Variants in ZNF407 observed in about 807,000 individuals in gnomAD.
ZNF407 encodes zinc finger protein 407.
A neutral mutation model predicts 131.2 loss-of-function variants in ZNF407; 17 were observed. The observed-to-expected ratio is 0.13, with a 90% CI of 0.09 to 0.19. The LOEUF (loss-of-function observed/expected upper bound fraction) is 0.19. Among genes scored for constraint, ZNF407 ranks in the 10% least tolerant of loss-of-function variants. The pLI, the probability that ZNF407 is intolerant of heterozygous loss-of-function variation, is 1.00. For synonymous variants in ZNF407, 1,156 were observed against 1,062.0 expected (o/e 1.09, Z -1.72); for missense variants, 2,681 against 2,830.6 (o/e 0.95, Z 1.20).
At chr18:75,026,291 A>G (rs1459271900) in intron 8 of ZNF407, among the ~76,000 whole-genome samples, 2 of 152,224 alleles carry the variant, frequency 1.3e-5, no homozygotes, top group Non-Finnish European at 2.9e-5. Flanking sequence ...AAGATAATAA[A>G]CTATTGAAAA....
chr18:74,858,325 A>T (rs1460693327), intron 4 of ZNF407, among the ~76,000 whole-genome samples: 1 of 152,078 alleles, frequency 6.6e-6, no homozygotes, highest in Non-Finnish European at 1.5e-5. Flanking sequence ...TTTTTGTATT[A>T]ACCTCCTCTT....
Position 74,676,623 on chromosome 18 carries a change from A to T in ZNF407, c.4802+35501A>T, listed in dbSNP as rs181564969. ...GGGTAATTTTGTATTTTTAGTAGAG[A>T]CGGGGTTTCACCGTGTTAGCCAGGA... On this transcript the variant is annotated intron_variant, in intron 3 of 8. Coordinates refer to ENST00000299687, the MANE Select transcript of ZNF407 (RefSeq NM_017757.3). Among the ~76,000 whole-genome samples, 17 of 151,652 alleles carry T rather than the reference A, an allele frequency of 1.1e-4. No homozygotes were observed. The East Asian group carries it at 1.2e-3, about 10-fold the overall frequency.
At chr18:74,779,794 G>A (rs2038713394) in intron 3 of ZNF407, among the ~76,000 whole-genome samples, 1 of 151,992 alleles carries the variant, frequency 6.6e-6, no homozygotes, top group Admixed American at 6.6e-5. Context: ...TGGATTCTAA[G>A]TTCCCATCTC....
chr18:74,930,300 C>T (rs1463700738), intron 8 of ZNF407, among the ~76,000 whole-genome samples: 2 of 152,214 alleles, frequency 1.3e-5, no homozygotes, highest in East Asian at 3.8e-4. Flanking sequence ...GAAATGTGTG[C>T]TGTGCCTGGA....
intron 1 of ZNF407, among the ~76,000 whole-genome samples, chr18:74,623,460 TGA>T (rs1983651912): frequency 6.6e-6 from 1 of 151,918 alleles, no homozygotes; most frequent in Non-Finnish European, 1.5e-5. Context: ...GAGAGAGAAA[TGA>T]GAGATTGAAA....
intron 8 of ZNF407, among the ~76,000 whole-genome samples, chr18:74,950,617 G>A (rs1972203062): frequency 6.6e-6 from 1 of 152,178 alleles, no homozygotes; most frequent in African/African-American, 2.4e-5. Context: ...TAAAAATCTT[G>A]TTTGCTTTAA....
At chr18:74,902,886 ACTCTC>A (rs1362135135) in intron 7 of ZNF407, among the ~76,000 whole-genome samples, 1 of 152,074 alleles carries the variant, frequency 6.6e-6, no homozygotes, top group Non-Finnish European at 1.5e-5. Flanking sequence ...CAAAAAATGA[ACTCTC>A]TTATCATATG....
intron 8 of ZNF407, among the ~76,000 whole-genome samples, chr18:75,000,341 C>T (rs762604074): frequency 9.2e-5 from 14 of 152,164 alleles, no homozygotes; most frequent in African/African-American, 1.9e-4. Flanking sequence ...CGTAAAACAA[C>T]GGTTGTGAAA....
intron 8 of ZNF407, among the ~76,000 whole-genome samples, chr18:74,922,376 T>C (rs1420864743): frequency 6.6e-6 from 1 of 152,148 alleles, no homozygotes; most frequent in Admixed American, 6.5e-5. Flanking sequence ...AGGTGCAAGA[T>C]TGACATATCT....
intron 4 of ZNF407, among the ~76,000 whole-genome samples, chr18:74,811,944 A>G (rs1306636171): frequency 2.8e-4 from 43 of 151,780 alleles, no homozygotes; most frequent in African/African-American, 9.5e-4. Context: ...TGACGAGTTA[A>G]TGGGTGCAGC....
Position 74,983,526 on chromosome 18 carries a change from A to G in ZNF407, c.5428+62834A>G, listed in dbSNP as rs151030274. 2.8e-3 allele frequency among the ~76,000 whole-genome samples: 429 copies of G among 152,270 alleles called. 2 individuals carry two copies. The highest frequency in any genetic ancestry group is 9.5e-3 in the African/African-American group (393 of 41,540). ...AGGCCCTAGCACATAATTAGTGGCTAGTATTGTTGCTTTTTTGAATGATTT... is the reference window on the plus strand; with the variant it reads ...AGGCCCTAGCACATAATTAGTGGCTGGTATTGTTGCTTTTTTGAATGATTT... On this transcript the variant is annotated intron_variant, in intron 8 of 8. Transcript: ENST00000299687.
intron 8 of ZNF407, among the ~76,000 whole-genome samples, chr18:75,007,432 T>C (rs1972924248): frequency 6.6e-6 from 1 of 152,188 alleles, no homozygotes; most frequent in African/African-American, 2.4e-5. Flanking sequence ...CGCAGCGCCT[T>C]AGTCTAGTCC....
At chr18:74,833,326 T>G (rs1970510548) in intron 4 of ZNF407, among the ~76,000 whole-genome samples, 1 of 152,186 alleles carries the variant, frequency 6.6e-6, no homozygotes, top group African/African-American at 2.4e-5. Context: ...ATTCTAATAC[T>G]AGGGAAATAG....
At chr18:74,715,666 AAATT>A (rs1321309918) in intron 3 of ZNF407, among the ~76,000 whole-genome samples, 1 of 152,242 alleles carries the variant, frequency 6.6e-6, no homozygotes, top group Non-Finnish European at 1.5e-5. Context: ...TTTTTAAAAA[AAATT>A]AATTATTTCA....
chr18:75,015,731 A>G (rs1349170594), intron 8 of ZNF407, among the ~76,000 whole-genome samples: 2 of 151,776 alleles, frequency 1.3e-5, no homozygotes, highest in Non-Finnish European at 2.9e-5. Context: ...TTACTGCTAT[A>G]GTTCTCATCA....
intron 8 of ZNF407, among the ~76,000 whole-genome samples, chr18:75,002,754 G>A (rs555924944): frequency 4.0e-5 from 6 of 149,250 alleles, no homozygotes; most frequent in East Asian, 2.0e-4. Flanking sequence ...GCAGCGAGCC[G>A]AGATCGCGCC....
chr18:74,658,244 G>C (rs1985562746), intron 3 of ZNF407, among the ~76,000 whole-genome samples: 1 of 151,788 alleles, frequency 6.6e-6, no homozygotes, highest in Non-Finnish European at 1.5e-5. Flanking sequence ...TCAGCCTCCC[G>C]AGCAGCTGGG....
intron 4 of ZNF407, among the ~76,000 whole-genome samples, chr18:74,871,334 A>G (rs1971084215): frequency 6.6e-6 from 1 of 152,200 alleles, no homozygotes; most frequent in Non-Finnish European, 1.5e-5. Context: ...ATTATCTTGA[A>G]AAAAGAAGGC....
intron 8 of ZNF407, among the ~76,000 whole-genome samples, chr18:74,996,168 A>G (rs1408972407): frequency 6.6e-6 from 1 of 152,196 alleles, no homozygotes; most frequent in East Asian, 1.9e-4. Context: ...ACTTTATGAA[A>G]CAGAGAAGGC....
Sources: allele counts gnomAD v4.1 joint callset (sites outside exome capture counted in the v4.1 genomes callset), GRCh38; gene constraint gnomAD v4.1.1; transcripts MANE v1.5; gene names NCBI Gene and HGNC (gene_info 2026-07-23, HGNC 2026-07-21).